SRPK2: variants seen among roughly 807,000 people sequenced by gnomAD.
SRPK2 encodes SFRS protein kinase 2.
Under a neutral mutation model 90.8 loss-of-function variants are expected in SRPK2, and 21 were observed. The observed-to-expected ratio is 0.23, with a 90% CI of 0.16 to 0.33. SRPK2 has a LOEUF of 0.33. Among genes scored for constraint, SRPK2 ranks in the 10% least tolerant of loss-of-function variants. SRPK2 has a pLI of 1.00. For synonymous variants in SRPK2, 288 were observed against 311.1 expected (o/e 0.93, Z 0.78); for missense variants, 620 against 869.0 (o/e 0.71, Z 3.60).
chr7:105,233,857 A>C (rs1585283380), intron 2 of SRPK2, among the ~76,000 whole-genome samples: 1 of 152,172 alleles, frequency 6.6e-6, no homozygotes, highest in Admixed American at 6.5e-5. Flanking sequence ...GTCTCAAAAA[A>C]AATGAAAAAT....
chr7:105,259,131 C>T (rs1156920702), intron 2 of SRPK2, among the ~76,000 whole-genome samples: 1 of 152,164 alleles, frequency 6.6e-6, no homozygotes, highest in East Asian at 1.9e-4. Flanking sequence ...TGTATATTTA[C>T]AAAACCCTAT....
intron 2 of SRPK2, among the ~76,000 whole-genome samples, chr7:105,357,499 T>C (rs1374446302): frequency 6.6e-6 from 1 of 152,096 alleles, no homozygotes; most frequent in Non-Finnish European, 1.5e-5. Context: ...AGATCTGATG[T>C]AATACCAGCC....
intron 2 of SRPK2, chr7:105,204,528 T>C (rs1795957925): frequency 5.1e-6 from 2 of 395,336 alleles, no homozygotes; most frequent in South Asian, 4.1e-5. Flanking sequence ...AGTCTCAATC[T>C]GGATGCCGGA....
chr7:105,223,799 G>T (rs976288393), intron 2 of SRPK2, among the ~76,000 whole-genome samples: 2 of 152,134 alleles, frequency 1.3e-5, no homozygotes, highest in African/African-American at 2.4e-5. Flanking sequence ...TTTAAAAAAT[G>T]AAATAAAAGT....
At chr7:105,389,008 G>A (rs1321135994), upstream of SRPK2, 1 of 859,870 alleles carries the variant, frequency 1.2e-6, no homozygotes, top group Non-Finnish European at 1.3e-6. Context: ...CCCACCCGCC[G>A]GCCCCGGGGG....
At chr7:105,286,442 T>G (rs1239779456) in intron 2 of SRPK2, among the ~76,000 whole-genome samples, 1 of 152,196 alleles carries the variant, frequency 6.6e-6, no homozygotes, top group Non-Finnish European at 1.5e-5. Context: ...ATCAAAATTT[T>G]TTGCTATATT....
intron 3 of SRPK2, among the ~76,000 whole-genome samples, chr7:105,170,835 GGA>G (rs761845211): frequency 1.0e-5 from 1 of 98,942 alleles, no homozygotes; most frequent in South Asian, 3.5e-4. Context: ...GAGAAAGAAA[GGA>G]AGAAAGAAAG....
At chr7:105,387,822 C>T (rs2132825807) in intron 2 of SRPK2, among the ~76,000 whole-genome samples, 1 of 152,268 alleles carries the variant, frequency 6.6e-6, no homozygotes, top group South Asian at 2.1e-4. Context: ...GACGCGGCGG[C>T]GCTGTGCGGT....
intron 15 of SRPK2, among the ~76,000 whole-genome samples, chr7:105,118,403 C>T (rs1016694427): frequency 6.6e-6 from 1 of 152,132 alleles, no homozygotes; most frequent in Admixed American, 6.5e-5. Context: ...CCAAATCAAA[C>T]ACCATTCATG....
At chr7:105,115,268 G>T (rs575914861), downstream of SRPK2, 1 of 152,310 alleles carries the variant, frequency 6.6e-6, no homozygotes, top group South Asian at 2.1e-4. Flanking sequence ...CTACTCCAAT[G>T]GAAAGTTTCC....
chr7:105,125,816 C>T (rs754044247), intron 15 of SRPK2: 1 of 1,291,910 alleles, frequency 7.7e-7, no homozygotes, highest in South Asian at 1.2e-5. Context: ...AGTATTTCCC[C>T]AACATAGCGT....
At position 105,140,929 on chromosome 7, in the gene SRPK2, A is replaced by C. The variant is rs57369490; in HGVS notation, c.1543+1079T>G. Among the ~76,000 whole-genome samples, 1,031 of 152,144 alleles carry C rather than the reference A, an allele frequency of 6.8e-3. 18 individuals are homozygous for C. Among genetic ancestry groups the C allele is most frequent in the East Asian group, 0.062 (321 of 5,164 alleles). On this transcript the variant is annotated intron_variant, in intron 11 of 15. Coordinates refer to ENST00000393651, the MANE Select transcript of SRPK2 (RefSeq NM_182692.3). ...TGAGCCGAGATCGCGCCACTGCACT[A>C]CAGCCTGGGTGACAGAGCAAGACTC... is the stretch of plus-strand genomic sequence containing the variant.
intron 2 of SRPK2, among the ~76,000 whole-genome samples, chr7:105,208,001 T>G (rs1314585841): frequency 6.6e-6 from 1 of 152,148 alleles, no homozygotes; most frequent in African/African-American, 2.4e-5. Context: ...GGAAAGACAT[T>G]TCTACAAAGA....
At chr7:105,317,088 AGT>A (rs1812395005) in intron 2 of SRPK2, among the ~76,000 whole-genome samples, 2 of 152,218 alleles carry the variant, frequency 1.3e-5, no homozygotes, top group South Asian at 4.1e-4. Flanking sequence ...CAGTTCTCAA[AGT>A]GTGGTTCACA....
rs773489708 is a variant in SRPK2 at position 105,143,283 on chromosome 7, C to T, written c.861G>A (p.Gln287=). 6.2e-7 allele frequency: 1 copy of T among 1,613,650 alleles called. No homozygotes were observed. Among genetic ancestry groups the T allele is most frequent in the Non-Finnish European group, 8.5e-7 (1 of 1,179,924 alleles). The stretch of plus-strand genomic sequence containing the variant: ...TCTCCAATAACTCAGCCTGCCTCTT[C>T]TGTTTCTTTTTCAGTTTTTTCTTTT... ...KNKKKKLKKK[Q]KRQAELLEKR... Residue 287 remains glutamine (Q), a synonymous_variant, in exon 10 of 16, where the codon CAG becomes CAA. Transcript: ENST00000393651.
chr7:105,338,401 C>T (rs1265370584), intron 2 of SRPK2, among the ~76,000 whole-genome samples: 1 of 152,132 alleles, frequency 6.6e-6, no homozygotes, highest in African/African-American at 2.4e-5. Context: ...AGCACCACCA[C>T]GGCTGACTGA....
At chr7:105,293,698 G>A (rs1290813962) in intron 2 of SRPK2, among the ~76,000 whole-genome samples, 1 of 152,150 alleles carries the variant, frequency 6.6e-6, no homozygotes, top group Non-Finnish European at 1.5e-5. Flanking sequence ...GGGATTACAG[G>A]CGTGAGCCAC....
chr7:105,133,495 G>A (rs771484139), intron 11 of SRPK2, among the ~76,000 whole-genome samples: 1 of 152,104 alleles, frequency 6.6e-6, no homozygotes, highest in Non-Finnish European at 1.5e-5. Flanking sequence ...TTATTACAAG[G>A]AACATGAAGG....
intron 3 of SRPK2, among the ~76,000 whole-genome samples, chr7:105,176,956 GAAGT>G (rs952279994): frequency 6.6e-6 from 1 of 152,098 alleles, no homozygotes; most frequent in African/African-American, 2.4e-5. Context: ...TTTCTTGAGT[GAAGT>G]AAGAATCTGT....
Sources: allele counts gnomAD v4.1 joint callset (sites outside exome capture counted in the v4.1 genomes callset), GRCh38; gene constraint gnomAD v4.1.1; transcripts MANE v1.5; gene names NCBI Gene and HGNC (gene_info 2026-07-23, HGNC 2026-07-21).